Variants in DYSF observed in about 807,000 individuals in gnomAD.
The protein encoded by DYSF is dysferlin.
Under a neutral mutation model 274.9 loss-of-function variants are expected in DYSF, and 212 were observed. The ratio of observed to expected loss-of-function variants is 0.77; its 90% CI spans 0.69 to 0.86. DYSF has a LOEUF of 0.86. Among genes scored for constraint, DYSF ranks in the 40% least tolerant of loss-of-function variants. DYSF has a pLI of 0.00. For missense variants in DYSF, 2,666 were observed against 2,783.2 expected, an observed-to-expected ratio of 0.96 and a Z score of 0.95; for synonymous variants, 1,091 against 1,078.7, an observed-to-expected ratio of 1.01 and a Z score of -0.22.
intron 3 of DYSF, among the ~76,000 whole-genome samples, chr2:71,482,444 GT>G (rs1477923840): frequency 6.6e-6 from 1 of 152,170 alleles, no homozygotes; most frequent in East Asian, 1.9e-4. Flanking sequence ...AAGATTCGTG[GT>G]TTAGAAATCA....
intron 32 of DYSF, among the ~76,000 whole-genome samples, chr2:71,594,903 C>T (rs2093364442): frequency 6.6e-6 from 1 of 152,210 alleles, no homozygotes; most frequent in South Asian, 2.1e-4. Flanking sequence ...GTTACAATTT[C>T]CAACCAGTAG....
intron 36 of DYSF, among the ~76,000 whole-genome samples, chr2:71,607,939 G>A (rs2093675539): frequency 6.6e-6 from 1 of 152,126 alleles, no homozygotes; most frequent in African/African-American, 2.4e-5. Flanking sequence ...GAGGGCTAAG[G>A]AGCAGATCAG....
chr2:71,455,603 T>C (rs1475171602), intron 1 of DYSF, among the ~76,000 whole-genome samples: 1 of 152,234 alleles, frequency 6.6e-6, no homozygotes, highest in Non-Finnish European at 1.5e-5. Context: ...CTGAGGGCTC[T>C]GGGCTCCTGG....
At chr2:71,584,476 A>G (rs72827567) in intron 30 of DYSF, among the ~76,000 whole-genome samples, 3,521 of 152,228 alleles carry the variant, frequency 0.023, 63 homozygotes, top group Middle Eastern at 0.085. Flanking sequence ...GTGAGTCCAC[A>G]TTAATCCCTT....
chr2:71,632,902 C>T (rs1317021908), intron 41 of DYSF, among the ~76,000 whole-genome samples: 1 of 152,216 alleles, frequency 6.6e-6, no homozygotes, highest in South Asian at 2.1e-4. Flanking sequence ...GTGATCAGGT[C>T]CCCTTGCCAT....
chr2:71,547,722 C>T (rs1219294286), intron 17 of DYSF, among the ~76,000 whole-genome samples: 2 of 152,206 alleles, frequency 1.3e-5, no homozygotes, highest in African/African-American at 4.8e-5. Context: ...TTCGCAGCCA[C>T]CCACTTGATC....
intron 14 of DYSF, among the ~76,000 whole-genome samples, chr2:71,530,071 G>GTT (rs2088492373): frequency 6.6e-6 from 1 of 152,178 alleles, no homozygotes; most frequent in Non-Finnish European, 1.5e-5. Context: ...ATGTGGAGGT[G>GTT]TAAATGCTTA....
intron 22 of DYSF, among the ~76,000 whole-genome samples, chr2:71,561,167 G>C (rs1292109283): frequency 1.3e-5 from 2 of 152,154 alleles, no homozygotes; most frequent in Non-Finnish European, 2.9e-5. Flanking sequence ...CTCTCCAAAG[G>C]CTTCCCAAAG....
At chr2:71,607,097 G>A (rs2093661509) in intron 36 of DYSF, among the ~76,000 whole-genome samples, 1 of 152,224 alleles carries the variant, frequency 6.6e-6, no homozygotes, top group African/African-American at 2.4e-5. Flanking sequence ...ATGGATTGAT[G>A]TGTCTTTCTA....
rs556592554 is a variant in DYSF, at chr2:71,504,078, G to A, written c.345+759G>A. ...TGCCCCGTGGCGGGTGTGTGAGGCC[G>A]GGGCTCCTGGCTGGCTGGGTGAGTC... On this transcript the variant is annotated intron_variant, in intron 4 of 55. Transcript: ENST00000410020. Among the ~76,000 whole-genome samples the A allele has an allele frequency of 1.1e-3, 162 of 152,304 alleles. 1 individual carries two copies. Among genetic ancestry groups the A allele is most frequent in the African/African-American group, 3.8e-3 (158 of 41,556 alleles).
At chr2:71,620,944 A>C (rs1004224366) in intron 41 of DYSF, among the ~76,000 whole-genome samples, 1 of 152,020 alleles carries the variant, frequency 6.6e-6, no homozygotes, top group Non-Finnish European at 1.5e-5. Context: ...GGGACCCCAG[A>C]AGGCTCTTCT....
chr2:71,567,245 C>G (rs2092161703), intron 24 of DYSF, among the ~76,000 whole-genome samples: 1 of 152,150 alleles, frequency 6.6e-6, no homozygotes, highest in Non-Finnish European at 1.5e-5. Context: ...AGTTGAAGAC[C>G]AGTGAATAGT....
Position 71,458,800 on chromosome 2 carries a change from C to T in DYSF, c.88+4714C>T, listed in dbSNP as rs368127427. On this transcript the variant is annotated intron_variant, in intron 1 of 54. Coordinates refer to the DYSF transcript ENST00000258104. ...TTGCTAGTGTTTTGTTTAATCCTCCCAACACCGCTGCAAACTGTCCTCATT... is the reference window on the plus strand; with the variant it reads ...TTGCTAGTGTTTTGTTTAATCCTCCTAACACCGCTGCAAACTGTCCTCATT... Among the ~76,000 whole-genome samples, 7 of 152,306 alleles carry T rather than the reference C, an allele frequency of 4.6e-5. No homozygotes were observed. The East Asian group carries it at 7.7e-4, about 17-fold the overall frequency.
At chr2:71,598,185 G>T (rs1360868555) in intron 32 of DYSF, among the ~76,000 whole-genome samples, 1 of 152,210 alleles carries the variant, frequency 6.6e-6, no homozygotes, top group Non-Finnish European at 1.5e-5. Flanking sequence ...ACCTAGCCTG[G>T]CATAAAGAAG....
chr2:71,558,908 C>T (rs1399578565), intron 22 of DYSF, among the ~76,000 whole-genome samples: 7 of 152,116 alleles, frequency 4.6e-5, no homozygotes, highest in Non-Finnish European at 7.4e-5. Context: ...GGGCTTCCTC[C>T]ACCTCTCACT....
rs140809078 is a variant in DYSF at position 71,517,027 on chromosome 2, C to T, written c.990C>T (p.Leu330=). ...DSRSLRTDAL[L]GEFRMDVGTI... ...GTTCTCTCAGGACAGATGCTCTCCT[C>T]GGGGAGTTCCGGGTAATTGCTTATT... The change falls in exon 10 of 56, where the codon CTC becomes CTT. Residue 330 remains leucine, a synonymous_variant. Transcript: ENST00000410020. 2.6e-4 allele frequency: 427 copies of T among 1,614,114 alleles called. No homozygotes were observed. Among genetic ancestry groups the T allele is most frequent in the African/African-American group, 1.7e-3 (128 of 75,030 alleles).
At chr2:71,684,186 C>T (rs554640135) in intron 55 of DYSF, among the ~76,000 whole-genome samples, 13 of 152,240 alleles carry the variant, frequency 8.5e-5, no homozygotes, top group African/African-American at 3.1e-4. Context: ...GAGGTGTGTA[C>T]GATGTGGGAG....
intron 40 of DYSF, among the ~76,000 whole-genome samples, chr2:71,617,806 ATG>A (rs1373307675): frequency 3.5e-4 from 13 of 37,162 alleles, no homozygotes; most frequent in Admixed American, 3.7e-4. Flanking sequence ...GGTGGGGTAT[ATG>A]TGTGTGTGTG....
intron 40 of DYSF, 98 bp from the exon 41 acceptor site, chr2:71,620,449 G>T: frequency 8.0e-7 from 1 of 1,248,106 alleles, no homozygotes; most frequent in Non-Finnish European, 1.1e-6. Context: ...GAAGAGCAGA[G>T]GGTGCCTGGT....
Sources: gnomAD v4.1 joint callset for allele counts (sites outside exome capture counted in the v4.1 genomes callset) on GRCh38, gnomAD v4.1.1 for gene constraint, MANE v1.5 for transcripts, NCBI Gene and HGNC (gene_info 2026-07-23, HGNC 2026-07-21) for gene names.